The following GPD2 variants were observed in gnomAD, a reference collection of about 807,000 sequenced individuals.
The protein encoded by GPD2 is glycerol-3-phosphate dehydrogenase 2.
A neutral mutation model predicts 82.4 loss-of-function variants in GPD2; 54 were observed. The observed-to-expected ratio is 0.66, with a 90% CI of 0.53 to 0.82. The LOEUF is 0.82. Among genes scored for constraint, GPD2 ranks in the 40% least tolerant of loss-of-function variants. The pLI, the probability that GPD2 is intolerant of heterozygous loss-of-function variation, is 0.00. For missense variants in GPD2, 748 were observed against 896.2 expected, an observed-to-expected ratio of 0.83 and a Z score of 2.11; for synonymous variants, 288 against 306.1, an observed-to-expected ratio of 0.94 and a Z score of 0.62.
intron 2 of GPD2, among the ~76,000 whole-genome samples, chr2:156,488,101 T>C (rs1273359480): frequency 1.3e-5 from 2 of 152,094 alleles, no homozygotes; most frequent in Non-Finnish European, 2.9e-5. Context: ...TTCTTTTGTG[T>C]GGACCCCAGT....
intron 9 of GPD2, among the ~76,000 whole-genome samples, chr2:156,561,532 AC>A (rs1326125975): frequency 6.6e-6 from 1 of 152,138 alleles, no homozygotes; most frequent in African/African-American, 2.4e-5. Context: ...GCTGCTAGAT[AC>A]CTTTAGCATG....
Position 156,452,360 on chromosome 2 carries a change from C to T in GPD2, c.-9+15847C>T, listed in dbSNP as rs576777745. ...CGCGGTTAGGAGCTGGAGACCAGCC[C>T]GGCCAACACAGCAAAACCCCGTCTC... is the stretch of plus-strand genomic sequence containing the variant. On this transcript the variant is annotated intron_variant, in intron 1 of 16. Transcript: ENST00000438166. 1.0e-3 allele frequency among the ~76,000 whole-genome samples: 154 copies of T among 152,368 alleles called. 1 individual carries two copies. The South Asian group carries it at 0.029, about 28-fold the overall frequency.
intron 9 of GPD2, among the ~76,000 whole-genome samples, chr2:156,563,982 T>C (rs1182845363): frequency 1.3e-5 from 2 of 152,156 alleles, no homozygotes; most frequent in Non-Finnish European, 2.9e-5. Context: ...CGTGGAGCTA[T>C]GTACAGAATG....
At chr2:156,571,369 G>T in intron 13 of GPD2, 77 bp downstream of exon 13, 1 of 907,906 alleles carries the variant, frequency 1.1e-6, no homozygotes, top group South Asian at 2.2e-5. Flanking sequence ...AGAAGCTAGC[G>T]TAGTTTTTGA....
At chr2:156,424,225 C>A in the GPD2 span, among the ~76,000 whole-genome samples, 1 of 151,758 alleles carries the variant, frequency 6.6e-6, no homozygotes, top group South Asian at 2.1e-4. Flanking sequence ...CACTATAAAC[C>A]TATCATAGAA....
At chr2:156,483,211 C>T (rs761122973) in intron 2 of GPD2, among the ~76,000 whole-genome samples, 2 of 152,040 alleles carry the variant, frequency 1.3e-5, no homozygotes, top group Non-Finnish European at 2.9e-5. Context: ...GAATAGACCC[C>T]AAATAAAGCA....
chr2:156,484,327 G>T (rs1294097704), intron 2 of GPD2, among the ~76,000 whole-genome samples: 1 of 151,900 alleles, frequency 6.6e-6, no homozygotes, highest in Non-Finnish European at 1.5e-5. Context: ...AGTAGAGATG[G>T]GGTTTCGCCA....
Position 156,476,170 on chromosome 2 carries a change from T to C in GPD2, c.65T>C (p.Leu22Ser), listed in dbSNP as rs201145788. 2.5e-6 allele frequency: 4 copies of C among 1,609,232 alleles called. No homozygotes were observed. The East Asian group carries it at 6.7e-5, about 27-fold the overall frequency. Residue 22 changes from leucine (L) to serine (S), a missense_variant, in exon 2 of 17, where the codon TTA becomes TCA. Coordinates refer to ENST00000438166, the MANE Select transcript of GPD2 (RefSeq NM_000408.5). ...LVGGGALATV[L>S]GLSQFAHYRR... ...GGAGGAGGTGCTCTTGCAACTGTTTTAGGACTTTCTCAGTTTGCTCATTAC... is the reference window on the plus strand; with the variant it reads ...GGAGGAGGTGCTCTTGCAACTGTTTCAGGACTTTCTCAGTTTGCTCATTAC...
intron 8 of GPD2, among the ~76,000 whole-genome samples, chr2:156,552,695 G>T (rs1394273753): frequency 3.3e-5 from 5 of 152,064 alleles, no homozygotes; most frequent in African/African-American, 9.7e-5. Flanking sequence ...TTTGGGACAA[G>T]CCATTTTATT....
chr2:156,473,635 AG>A (rs1683406376), intron 1 of GPD2: 1 of 152,232 alleles, frequency 6.6e-6, no homozygotes, highest in Non-Finnish European at 1.5e-5. Context: ...GCGTTGTTTA[AG>A]GTAAATAGTA....
chr2:156,403,891 A>C, the GPD2 span, among the ~76,000 whole-genome samples: 1 of 152,220 alleles, frequency 6.6e-6, no homozygotes, highest in East Asian at 1.9e-4. Context: ...CTCTTGCAGA[A>C]GTTTTAAGTA....
chr2:156,525,283 CCT>C (rs1484121678), intron 6 of GPD2, among the ~76,000 whole-genome samples: 1 of 152,192 alleles, frequency 6.6e-6, no homozygotes, highest in Non-Finnish European at 1.5e-5. Flanking sequence ...GCAGTTGGCC[CCT>C]GAGCCCTTTT....
chr2:156,538,337 A>G (rs958566980), intron 6 of GPD2, among the ~76,000 whole-genome samples: 76 of 152,168 alleles, frequency 5.0e-4, no homozygotes, highest in Non-Finnish European at 1.5e-4. Context: ...ACACCTTCCT[A>G]CATGCCATAC....
At chr2:156,455,615 T>C (rs947217522) in intron 1 of GPD2, among the ~76,000 whole-genome samples, 8 of 152,244 alleles carry the variant, frequency 5.3e-5, no homozygotes, top group African/African-American at 1.7e-4. Context: ...ATGTCTCTGC[T>C]CATAGTCACT....
At chr2:156,460,916 G>A (rs1682965472) in intron 1 of GPD2, among the ~76,000 whole-genome samples, 1 of 152,052 alleles carries the variant, frequency 6.6e-6, no homozygotes, top group South Asian at 2.1e-4. Context: ...CATATAATTT[G>A]TTAACTCTTT....
chr2:156,500,864 C>T (rs1256426252), intron 3 of GPD2, among the ~76,000 whole-genome samples: 1 of 152,188 alleles, frequency 6.6e-6, no homozygotes, highest in Non-Finnish European at 1.5e-5. Context: ...ACACAATATG[C>T]AGACTTCTCC....
chr2:156,478,855 C>T (rs1683617738), intron 2 of GPD2, among the ~76,000 whole-genome samples: 2 of 152,094 alleles, frequency 1.3e-5, no homozygotes, highest in Non-Finnish European at 2.9e-5. Flanking sequence ...AAGAAGATTC[C>T]AACTGATAAA....
At chr2:156,519,159 A>G (rs1210279277) in intron 6 of GPD2, among the ~76,000 whole-genome samples, 4 of 152,130 alleles carry the variant, frequency 2.6e-5, no homozygotes, top group Non-Finnish European at 5.9e-5. Context: ...ATATACACAT[A>G]TTGGAGATAC....
chr2:156,551,259 A>G (rs1303289944), intron 8 of GPD2, among the ~76,000 whole-genome samples: 1 of 152,220 alleles, frequency 6.6e-6, no homozygotes, highest in Non-Finnish European at 1.5e-5. Flanking sequence ...ATTAACAAAG[A>G]TAATTGAGGA....
Sources: gnomAD v4.1 joint callset for allele counts (sites outside exome capture counted in the v4.1 genomes callset) on GRCh38, gnomAD v4.1.1 for gene constraint, MANE v1.5 for transcripts, NCBI Gene and HGNC (gene_info 2026-07-23, HGNC 2026-07-21) for gene names.